HS3ST4: variants seen among roughly 807,000 people sequenced by gnomAD.
The protein encoded by HS3ST4 is heparan sulfate-glucosamine 3-sulfotransferase 4.
A neutral mutation model predicts 29.2 loss-of-function variants in HS3ST4; 17 were observed. The observed-to-expected ratio is 0.58, with a 90% CI of 0.40 to 0.87. HS3ST4 has a LOEUF of 0.87. Ranked by LOEUF, HS3ST4 falls within the 40% of genes least tolerant of loss-of-function variation. HS3ST4 has a pLI of 0.00. For missense variants in HS3ST4, 627 were observed against 634.5 expected (o/e 0.99, Z 0.13); for synonymous variants, 314 against 285.7 (o/e 1.10, Z -1.00).
At chr16:26,079,018 T>C (rs1183167627) in intron 1 of HS3ST4, among the ~76,000 whole-genome samples, 1 of 152,174 alleles carries the variant, frequency 6.6e-6, no homozygotes, top group East Asian at 1.9e-4. Flanking sequence ...TTGTTTGTGG[T>C]GCTTGGCAGG....
intron 1 of HS3ST4, among the ~76,000 whole-genome samples, chr16:25,775,530 GC>G (rs1966846808): frequency 6.6e-6 from 1 of 152,128 alleles, no homozygotes; most frequent in African/African-American, 2.4e-5. Context: ...GATCCCAGGT[GC>G]CCCACATCTT....
At chr16:25,747,219 A>G (rs1966690819) in intron 1 of HS3ST4, among the ~76,000 whole-genome samples, 1 of 152,200 alleles carries the variant, frequency 6.6e-6, no homozygotes. Context: ...AAATACCTTC[A>G]TCATTATTCC....
chr16:26,011,795 G>A (rs1362850501), intron 1 of HS3ST4, among the ~76,000 whole-genome samples: 1 of 151,830 alleles, frequency 6.6e-6, no homozygotes, highest in Non-Finnish European at 1.5e-5. Flanking sequence ...ATAACAGCAA[G>A]AGAAAAGACA....
chr16:26,023,866 T>C (rs895605859), intron 1 of HS3ST4, among the ~76,000 whole-genome samples: 7 of 152,192 alleles, frequency 4.6e-5, no homozygotes, highest in Non-Finnish European at 8.8e-5. Context: ...ACCTCAAGAA[T>C]TATTGAGATT....
intron 1 of HS3ST4, among the ~76,000 whole-genome samples, chr16:25,828,242 C>CTCTTCCTTTCTT (rs1339335882): frequency 4.0e-5 from 3 of 75,016 alleles, no homozygotes; most frequent in Non-Finnish European, 7.6e-5. Flanking sequence ...TTCTTTCTTT[C>CTCTTCCTTTCTT]TCTTTCTTTC....
At chr16:25,998,988 A>G in intron 1 of HS3ST4, among the ~76,000 whole-genome samples, 1 of 152,174 alleles carries the variant, frequency 6.6e-6, no homozygotes, top group Non-Finnish European at 1.5e-5. Flanking sequence ...CTGAGAAGGT[A>G]TGTTTTTTTA....
At chr16:25,762,255 A>C (rs188420880) in intron 1 of HS3ST4, among the ~76,000 whole-genome samples, 6 of 152,338 alleles carry the variant, frequency 3.9e-5, no homozygotes, top group African/African-American at 1.4e-4. Flanking sequence ...TTACAGCAGC[A>C]CAGCTGACTG....
chr16:25,716,062 A>G (rs1208651979), intron 1 of HS3ST4, among the ~76,000 whole-genome samples: 1 of 152,220 alleles, frequency 6.6e-6, no homozygotes, highest in African/African-American at 2.4e-5. Context: ...GAAGGGTCAC[A>G]TCTGGTGTGG....
At chr16:26,122,128 G>A (rs1374718969) in intron 1 of HS3ST4, among the ~76,000 whole-genome samples, 1 of 144,788 alleles carries the variant, frequency 6.9e-6, no homozygotes, top group Non-Finnish European at 1.5e-5. Flanking sequence ...AAGAATTATT[G>A]CAAGAGACCT....
At chr16:25,788,241 T>A (rs771632809) in intron 1 of HS3ST4, among the ~76,000 whole-genome samples, 31 of 151,914 alleles carry the variant, frequency 2.0e-4, no homozygotes, top group Non-Finnish European at 4.3e-4. Flanking sequence ...GGCGAAAACT[T>A]ATCTTTACTA....
intron 1 of HS3ST4, among the ~76,000 whole-genome samples, chr16:26,093,921 G>T (rs1898889903): frequency 6.6e-6 from 1 of 152,202 alleles, no homozygotes. Context: ...GATCTTAAAT[G>T]ACCTGATGGA....
intron 1 of HS3ST4, among the ~76,000 whole-genome samples, chr16:25,941,045 C>G (rs1463387830): frequency 6.6e-6 from 1 of 152,190 alleles, no homozygotes; most frequent in Non-Finnish European, 1.5e-5. Context: ...TCATGTAAGT[C>G]TCATCTCAGC....
intron 1 of HS3ST4, among the ~76,000 whole-genome samples, chr16:25,925,828 C>T (rs1433639620): frequency 1.3e-5 from 2 of 152,100 alleles, no homozygotes; most frequent in Non-Finnish European, 2.9e-5. Flanking sequence ...CCCCATGCCT[C>T]GTGGCTTGAC....
intron 1 of HS3ST4, among the ~76,000 whole-genome samples, chr16:26,100,938 G>A (rs1898983102): frequency 6.6e-6 from 1 of 152,156 alleles, no homozygotes; most frequent in South Asian, 2.1e-4. Flanking sequence ...CTCAAAGGCA[G>A]GAGATGAAAG....
At chr16:25,944,142 T>G (rs1246639587) in intron 1 of HS3ST4, among the ~76,000 whole-genome samples, 1 of 152,148 alleles carries the variant, frequency 6.6e-6, no homozygotes, top group Non-Finnish European at 1.5e-5. Flanking sequence ...GCAATTTCCT[T>G]ACTCCCTAGT....
intron 1 of HS3ST4, chr16:26,028,885 C>T (rs1056719163): frequency 4.6e-5 from 7 of 152,178 alleles, no homozygotes; most frequent in African/African-American, 1.2e-4. Context: ...GGCAGAGTGG[C>T]AAAGTGTGTA....
chr16:26,108,228 C>A (rs1380665281), intron 1 of HS3ST4, among the ~76,000 whole-genome samples: 4 of 152,002 alleles, frequency 2.6e-5, no homozygotes, highest in Admixed American at 6.6e-5. Context: ...TCATATATTT[C>A]TTGGCCATCT....
chr16:25,811,422 CTTT>C (rs5816324), intron 1 of HS3ST4, among the ~76,000 whole-genome samples: 1 of 129,062 alleles, frequency 7.7e-6, no homozygotes, highest in African/African-American at 2.9e-5. Context: ...TTTTCTTCTT[CTTT>C]TTTTTTTTTT....
At chr16:25,814,219 GA>G (rs1373064027) in intron 1 of HS3ST4, among the ~76,000 whole-genome samples, 1 of 152,084 alleles carries the variant, frequency 6.6e-6, no homozygotes, top group Non-Finnish European at 1.5e-5. Flanking sequence ...TTAGTGTATG[GA>G]AACGATATGT....
Sources: gnomAD v4.1 joint callset for allele counts (sites outside exome capture counted in the v4.1 genomes callset) on GRCh38, gnomAD v4.1.1 for gene constraint, MANE v1.5 for transcripts, NCBI Gene and HGNC (gene_info 2026-07-23, HGNC 2026-07-21) for gene names.